SOX6: variants seen among roughly 807,000 people sequenced by gnomAD.
SOX6 encodes transcription factor SOX-6.
Under a neutral mutation model 97.8 loss-of-function variants are expected in SOX6, and 11 were observed. The ratio of observed to expected loss-of-function variants is 0.11; its 90% CI spans 0.07 to 0.19. SOX6 has a LOEUF of 0.19. Ranked by LOEUF, SOX6 falls within the 10% of genes least tolerant of loss-of-function variation. The pLI, the probability that SOX6 is intolerant of heterozygous loss-of-function variation, is 1.00. For synonymous variants in SOX6, 360 were observed against 371.4 expected (o/e 0.97, Z 0.35); for missense variants, 810 against 1,039.5 (o/e 0.78, Z 3.04).
Position 15,969,826 on chromosome 11 carries a change from A to G in SOX6, c.*2983T>C, listed in dbSNP as rs894122427. 6 of 152,178 alleles carry G rather than the reference A, an allele frequency of 3.9e-5. No homozygotes were observed. The highest frequency in any genetic ancestry group is 8.8e-5 in the Non-Finnish European group (6 of 68,044). The allele number at this position is 152,178 out of a possible 1,614,324, so 9.4% of individuals were successfully genotyped here. A position where few individuals can be genotyped will look rare whatever the true frequency, so the allele number is the denominator to read the frequency against. ...TCATTCTTAATTTCCATGGATATTT[A>G]GAGCCAAACTTGGCTAATAAATAAA... is the stretch of plus-strand genomic sequence containing the variant. On this transcript the variant is annotated 3_prime_UTR_variant, in exon 16 of 16. Transcript: ENST00000683767.
In SOX6 at chr11:15,972,724, C is replaced by A; in HGVS notation, c.*85G>T. 1 of 1,419,936 alleles carries A rather than the reference C, an allele frequency of 7.0e-7. No individual in the cohort carries two copies. Among genetic ancestry groups the A allele is most frequent in the Non-Finnish European group, 9.9e-7 (1 of 1,007,192 alleles). The allele number at this position is 1,419,936 out of a possible 1,614,324, so 88.0% of individuals were successfully genotyped here. A position where few individuals can be genotyped will look rare whatever the true frequency, so the allele number is the denominator to read the frequency against. On this transcript the variant is annotated 3_prime_UTR_variant, in exon 16 of 16. Coordinates refer to ENST00000683767, the MANE Select transcript of SOX6 (RefSeq NM_001367873.1). ...TTCTGCTGATGTAATTGTGGAGCCACAAATGCATGCGGGCTCTTTAATAAC... is the reference window on the plus strand; with the variant it reads ...TTCTGCTGATGTAATTGTGGAGCCAAAAATGCATGCGGGCTCTTTAATAAC...
At chr11:16,443,437 TTAA>T in intron 1 of SOX6, among the ~76,000 whole-genome samples, 1 of 152,350 alleles carries the variant, frequency 6.6e-6, no homozygotes, top group Middle Eastern at 3.4e-3. Context: ...GCATTTTGAT[TTAA>T]TAATATTTAT....
In SOX6 at chr11:15,989,154, A is replaced by T; in HGVS notation, c.1809T>A (p.Ala603=). 4 of 1,614,120 alleles carry T rather than the reference A, an allele frequency of 2.5e-6. No homozygotes were observed. Among genetic ancestry groups the T allele is most frequent in the Non-Finnish European group, 3.4e-6 (4 of 1,179,980 alleles). The stretch of plus-strand genomic sequence containing the variant: ...GGGCGTCCCTGTAGACTCGTGCTTC[A>T]GCCACAGTGGCACCTCCTGTTGGCC... The part of the protein sequence containing the change: ...YCWPTGGATV[A]EARVYRDARG... The change falls in exon 14 of 16, where the codon GCT becomes GCA. Residue 603 remains alanine, a synonymous_variant. Coordinates refer to ENST00000683767, the MANE Select transcript of SOX6 (RefSeq NM_001367873.1).
intron 13 of SOX6, among the ~76,000 whole-genome samples, 160 bp from the exon 14 acceptor site, chr11:15,989,390 C>T (rs1853973969): frequency 6.6e-6 from 1 of 152,168 alleles, no homozygotes; most frequent in Non-Finnish European, 1.5e-5. Flanking sequence ...GACAGTTCTA[C>T]AGGCTCTTCT....
intron 9 of SOX6, among the ~76,000 whole-genome samples, chr11:16,077,082 T>C (rs1461700872): frequency 6.6e-6 from 1 of 152,074 alleles, no homozygotes; most frequent in Non-Finnish European, 1.5e-5. Context: ...CAACCAGATC[T>C]CATGAGAACT....
chr11:16,734,589 T>C (rs1287920987), intron 2 of SOX6, among the ~76,000 whole-genome samples: 1 of 152,176 alleles, frequency 6.6e-6, no homozygotes, highest in Admixed American at 6.5e-5. Context: ...CACCTCTAGA[T>C]GGGTGATTTC....
chr11:16,338,575 T>C (rs1404025826), intron 2 of SOX6, among the ~76,000 whole-genome samples: 2 of 152,012 alleles, frequency 1.3e-5, no homozygotes, highest in African/African-American at 4.8e-5. Flanking sequence ...TGTTAAATCC[T>C]TTTATTACAC....
At chr11:16,598,710 A>G (rs958588223) in intron 4 of SOX6, among the ~76,000 whole-genome samples, 23 of 151,914 alleles carry the variant, frequency 1.5e-4, no homozygotes, top group Admixed American at 1.4e-3. Context: ...GTGGCCTTGG[A>G]AAGTGAAGCA....
chr11:16,414,991 A>T (rs769816887), intron 1 of SOX6, among the ~76,000 whole-genome samples: 5 of 152,168 alleles, frequency 3.3e-5, no homozygotes, highest in Non-Finnish European at 7.4e-5. Context: ...GCTAGTCATT[A>T]TATTCACAAT....
At chr11:16,412,888 A>G (rs1023003630) in intron 1 of SOX6, among the ~76,000 whole-genome samples, 2 of 152,146 alleles carry the variant, frequency 1.3e-5, no homozygotes, top group African/African-American at 4.8e-5. Context: ...TGGCTTGGAT[A>G]GCATGTTTAT....
intron 4 of SOX6, among the ~76,000 whole-genome samples, chr11:16,203,168 T>G (rs1851984827): frequency 6.6e-6 from 1 of 152,138 alleles, no homozygotes; most frequent in Admixed American, 6.5e-5. Context: ...TACAACCCAA[T>G]GTAACTGAAT....
At chr11:16,514,538 G>T (rs1590229348) in intron 4 of SOX6, among the ~76,000 whole-genome samples, 1 of 151,680 alleles carries the variant, frequency 6.6e-6, no homozygotes, top group South Asian at 2.1e-4. Flanking sequence ...TATTGTGTCA[G>T]AGTTTTTTTT....
chr11:16,471,685 A>T (rs779437293), intron 1 of SOX6, among the ~76,000 whole-genome samples: 1 of 152,156 alleles, frequency 6.6e-6, no homozygotes, highest in Non-Finnish European at 1.5e-5. Context: ...ACAACAAATG[A>T]GAGAACTAGA....
At chr11:16,670,918 G>T (rs778151439) in intron 3 of SOX6, among the ~76,000 whole-genome samples, 1 of 151,528 alleles carries the variant, frequency 6.6e-6, no homozygotes, top group Non-Finnish European at 1.5e-5. Context: ...GAGGGATCAC[G>T]GCTGCAACTG....
intron 4 of SOX6, among the ~76,000 whole-genome samples, chr11:16,587,531 G>A (rs968965513): frequency 3.3e-5 from 5 of 152,014 alleles, no homozygotes; most frequent in Admixed American, 1.3e-4. Context: ...GTGTGGTAAC[G>A]GCTCAATATA....
At chr11:15,997,138 T>G (rs1284200526) in intron 13 of SOX6, among the ~76,000 whole-genome samples, 3 of 152,076 alleles carry the variant, frequency 2.0e-5, no homozygotes, top group East Asian at 3.9e-4. Context: ...TTAGATAAAA[T>G]GAACATATTT....
chr11:16,463,822 C>T (rs1434413108), intron 1 of SOX6, among the ~76,000 whole-genome samples: 1 of 152,220 alleles, frequency 6.6e-6, no homozygotes, highest in Non-Finnish European at 1.5e-5. Context: ...AACCTTCTTT[C>T]AGGCATATTT....
At chr11:16,374,172 C>T (rs1857581885) in intron 1 of SOX6, among the ~76,000 whole-genome samples, 2 of 152,012 alleles carry the variant, frequency 1.3e-5, no homozygotes, top group Admixed American at 1.3e-4. Flanking sequence ...TTCAGAACAT[C>T]CTGGACTGCC....
chr11:16,113,557 G>A (rs72866379), intron 6 of SOX6, among the ~76,000 whole-genome samples: 1,818 of 152,254 alleles, frequency 0.012, 16 homozygotes, highest in Middle Eastern at 0.034. Flanking sequence ...CATCAGAGAC[G>A]AGGGCACTAT....
Sources: allele counts gnomAD v4.1 joint callset (sites outside exome capture counted in the v4.1 genomes callset), GRCh38; gene constraint gnomAD v4.1.1; transcripts MANE v1.5; gene names NCBI Gene and HGNC (gene_info 2026-07-23, HGNC 2026-07-21).